PRKCA: variants seen among roughly 807,000 people sequenced by gnomAD.
The protein encoded by PRKCA is protein kinase C alpha.
A neutral mutation model predicts 87.0 loss-of-function variants in PRKCA; 27 were observed. The ratio of observed to expected loss-of-function variants is 0.31; its 90% CI spans 0.23 to 0.43. The LOEUF is 0.43. Among genes scored for constraint, PRKCA ranks in the 20% least tolerant of loss-of-function variants. The pLI, the probability that PRKCA is intolerant of heterozygous loss-of-function variation, is 1.00. For missense variants in PRKCA, 518 were observed against 852.3 expected (o/e 0.61, Z 4.88); for synonymous variants, 329 against 311.1 (o/e 1.06, Z -0.61).
At position 66,576,843 on chromosome 17, in the gene PRKCA, C is replaced by T. The variant is rs374303249; in HGVS notation, c.289-64512C>T. Among the ~76,000 whole-genome samples the T allele has an allele frequency of 6.1e-5, 9 of 148,162 alleles. No homozygotes were observed. The East Asian group carries it at 7.9e-4, about 13-fold the overall frequency. ...TGTCTCTCATTTCTGTTCTCAAACC[C>T]TTGTTTTCTCCGTGGAAAATGGTGA... On this transcript the variant is annotated intron_variant, in intron 3 of 16. Transcript: ENST00000413366.
At chr17:66,694,393 A>G (rs1032260407) in intron 8 of PRKCA, among the ~76,000 whole-genome samples, 3 of 145,432 alleles carry the variant, frequency 2.1e-5, no homozygotes, top group Non-Finnish European at 4.5e-5. Flanking sequence ...GAGGCAGAGA[A>G]TTGCCGGAAC....
chr17:66,476,576 C>T (rs1246115074), intron 2 of PRKCA, among the ~76,000 whole-genome samples: 7 of 152,202 alleles, frequency 4.6e-5, no homozygotes, highest in Non-Finnish European at 1.0e-4. Context: ...GCCATTACCT[C>T]TCAGCCTAGA....
At chr17:66,435,603 G>A (rs1913342660) in intron 2 of PRKCA, among the ~76,000 whole-genome samples, 1 of 152,176 alleles carries the variant, frequency 6.6e-6, no homozygotes, top group African/African-American at 2.4e-5. Context: ...GTGGGTGTGT[G>A]CAAATTTGGT....
intron 3 of PRKCA, among the ~76,000 whole-genome samples, chr17:66,572,085 G>C (rs1354372251): frequency 6.6e-6 from 1 of 152,170 alleles, no homozygotes; most frequent in African/African-American, 2.4e-5. Flanking sequence ...CCTAGACATG[G>C]TAAGTGCGTA....
chr17:66,556,266 A>AT (rs1317478409), intron 3 of PRKCA, among the ~76,000 whole-genome samples: 1 of 151,040 alleles, frequency 6.6e-6, no homozygotes, highest in Non-Finnish European at 1.5e-5. Context: ...ACCTGGAGTC[A>AT]TTTAAAACAA....
intron 2 of PRKCA, among the ~76,000 whole-genome samples, chr17:66,455,346 C>T (rs1458558489): frequency 3.9e-5 from 6 of 152,114 alleles, no homozygotes; most frequent in South Asian, 2.1e-4. Context: ...ACAGCTGCCA[C>T]GAAATTGCCA....
intron 2 of PRKCA, among the ~76,000 whole-genome samples, chr17:66,475,024 G>C (rs1229324784): frequency 6.6e-6 from 1 of 152,084 alleles, no homozygotes; most frequent in Admixed American, 6.6e-5. Flanking sequence ...CATCCTTCAG[G>C]GACAAACAGA....
At chr17:66,373,827 A>G (rs537402541) in intron 2 of PRKCA, among the ~76,000 whole-genome samples, 1 of 152,202 alleles carries the variant, frequency 6.6e-6, no homozygotes, top group Non-Finnish European at 1.5e-5. Context: ...TAACATCTTC[A>G]GTATTCAAGG....
Position 66,714,773 on chromosome 17 carries a change from A to G in PRKCA, c.919-17915A>G, listed in dbSNP as rs2144138528. Among the ~76,000 whole-genome samples, 4 of 152,284 alleles carry G rather than the reference A, an allele frequency of 2.6e-5. 1 individual carries two copies. The Middle Eastern group carries it at 0.01, about 388-fold the overall frequency. On this transcript the variant is annotated intron_variant, in intron 8 of 16. Transcript: ENST00000413366. Reference sequence around the variant, plus strand: ...TGCAGTGCCTTTACTGGTGTCCCAGACCGCTGCTGGCAGACCCCAGATCCC... The same window carrying G: ...TGCAGTGCCTTTACTGGTGTCCCAGGCCGCTGCTGGCAGACCCCAGATCCC...
At chr17:66,530,085 T>C (rs1177036150) in intron 3 of PRKCA, among the ~76,000 whole-genome samples, 1 of 152,162 alleles carries the variant, frequency 6.6e-6, no homozygotes, top group African/African-American at 2.4e-5. Context: ...TGGATGATAT[T>C]TGGTTCCTGC....
chr17:66,347,740 G>A (rs560326406), intron 2 of PRKCA, among the ~76,000 whole-genome samples: 125 of 152,196 alleles, frequency 8.2e-4, no homozygotes, highest in African/African-American at 3.0e-3. Flanking sequence ...TTCTAAGATT[G>A]TGTTTTTCAC....
chr17:66,577,252 G>A (rs571343331), intron 3 of PRKCA, among the ~76,000 whole-genome samples: 1 of 152,280 alleles, frequency 6.6e-6, no homozygotes, highest in South Asian at 2.1e-4. Flanking sequence ...GCATCCAGGA[G>A]GGACACCTGG....
intron 2 of PRKCA, among the ~76,000 whole-genome samples, chr17:66,324,947 C>T (rs1019226763): frequency 2.0e-5 from 3 of 152,218 alleles, no homozygotes. Flanking sequence ...AGGCTACATC[C>T]TTTCCAAGTC....
rs1348747797 is a variant in PRKCA, at chr17:66,491,402, G to GC, written c.206-4794dup. Among the ~76,000 whole-genome samples, 5 of 152,140 alleles carry GC rather than the reference G, an allele frequency of 3.3e-5. No homozygotes were observed. The East Asian group carries it at 9.6e-4, about 29-fold the overall frequency. ...AAGACTTGTTTAAGGGCCAAGGGGG[G>GC]CCCCCACGACAATCATCAGATGGAA... On this transcript the variant is annotated intron_variant, in intron 2 of 16. Transcript: ENST00000413366.
chr17:66,630,579 G>A (rs1034471820), intron 3 of PRKCA, among the ~76,000 whole-genome samples: 4 of 152,184 alleles, frequency 2.6e-5, no homozygotes, highest in African/African-American at 9.7e-5. Context: ...GTCCCAAATA[G>A]CAGCTGTTCC....
intron 5 of PRKCA, among the ~76,000 whole-genome samples, chr17:66,674,254 A>G (rs1260295102): frequency 1.3e-5 from 2 of 152,164 alleles, no homozygotes; most frequent in Non-Finnish European, 2.9e-5. Context: ...GGCAGAGGAA[A>G]TGGGTCTTGT....
In PRKCA at chr17:66,712,013, C is replaced by G. The variant is rs146500334; in HGVS notation, c.919-20675C>G. ...CAAGGCTTCTGTTGTTACTGCCCCC[C>G]CTCCACCCCGCCCTTGTCTGTGTTT... On this transcript the variant is annotated intron_variant, in intron 8 of 16. Coordinates refer to ENST00000413366, the MANE Select transcript of PRKCA (RefSeq NM_002737.3). 3.8e-3 allele frequency among the ~76,000 whole-genome samples: 586 copies of G among 152,218 alleles called. 5 individuals are homozygous for G. Among genetic ancestry groups the G allele is most frequent in the African/African-American group, 0.013 (556 of 41,534 alleles).
intron 14 of PRKCA, among the ~76,000 whole-genome samples, chr17:66,779,285 A>T (rs1423786475): frequency 6.6e-6 from 1 of 152,176 alleles, no homozygotes; most frequent in Non-Finnish European, 1.5e-5. Flanking sequence ...TCAGCAGCCA[A>T]GGGGGCAGTT....
At chr17:66,346,184 C>A (rs1029038756) in intron 2 of PRKCA, among the ~76,000 whole-genome samples, 6 of 151,606 alleles carry the variant, frequency 4.0e-5, no homozygotes, top group Non-Finnish European at 5.9e-5. Flanking sequence ...GCAACTTCCA[C>A]CTCCTGGGTT....
Sources: gnomAD v4.1 joint callset for allele counts (sites outside exome capture counted in the v4.1 genomes callset) on GRCh38, gnomAD v4.1.1 for gene constraint, MANE v1.5 for transcripts, NCBI Gene and HGNC (gene_info 2026-07-23, HGNC 2026-07-21) for gene names.